SYNE2: variants seen among roughly 807,000 people sequenced by gnomAD.
The protein encoded by SYNE2 is nesprin-2.
Under a neutral mutation model 856.3 loss-of-function variants are expected in SYNE2, and 431 were observed. The observed-to-expected ratio is 0.50, with a 90% CI of 0.47 to 0.55. SYNE2 has a LOEUF of 0.55. Ranked by LOEUF, SYNE2 falls within the 20% of genes least tolerant of loss-of-function variation. SYNE2 has a pLI of 0.00. For missense variants in SYNE2, 8,129 were observed against 8,023.2 expected (o/e 1.01, Z -0.50); for synonymous variants, 2,923 against 2,872.3 (o/e 1.02, Z -0.56).
At chr14:63,949,055 T>A (rs1442128156) in intron 6 of SYNE2, among the ~76,000 whole-genome samples, 1 of 151,876 alleles carries the variant, frequency 6.6e-6, no homozygotes, top group Admixed American at 6.6e-5. Flanking sequence ...GTTAATTGTG[T>A]TGTTGACATC....
intron 11 of SYNE2, among the ~76,000 whole-genome samples, chr14:63,968,338 A>AT (rs532767210): frequency 4.6e-5 from 7 of 151,974 alleles, no homozygotes; most frequent in Non-Finnish European, 8.8e-5. Flanking sequence ...TTAAGTAGGG[A>AT]TTTTTTGCAT....
At chr14:64,174,333 A>C (rs753434615) in intron 94 of SYNE2, among the ~76,000 whole-genome samples, 3 of 152,136 alleles carry the variant, frequency 2.0e-5, no homozygotes, top group Non-Finnish European at 4.4e-5. Context: ...TGGCCTCCCA[A>C]AGTGCTGGGA....
rs1363988395 is a variant in SYNE2, at chr14:64,209,515, A to G, written c.18477A>G (p.Ala6159=). ...EDWLKSAERT[A]ACPNSSEVLY... ...GGCTCAAGTCAGCTGAGAGGACGGC[A>G]GCCTGCCCAAATTCCTCAGAGGTGT... The change falls in exon 102 of 116, where the codon GCA becomes GCG. Residue 6159 remains alanine, a synonymous_variant. Coordinates refer to ENST00000555002, the MANE Select transcript of SYNE2 (RefSeq NM_182914.3). The G allele has an allele frequency of 6.2e-7, 1 of 1,614,232 alleles. No individual in the cohort carries two copies. Among genetic ancestry groups the G allele is most frequent in the Non-Finnish European group, 8.5e-7 (1 of 1,180,040 alleles).
chr14:63,815,107 C>CCATATATATCCACAT (rs1888877521), intron 1 of SYNE2, among the ~76,000 whole-genome samples: 2 of 108,666 alleles, frequency 1.8e-5, no homozygotes, highest in South Asian at 2.7e-4. Context: ...TATATCCACA[C>CCATATATATCCACAT]ATATATCCAT....
At chr14:64,174,004 G>A (rs535471793) in intron 94 of SYNE2, 8 of 648,146 alleles carry the variant, frequency 1.2e-5, no homozygotes, top group South Asian at 5.1e-5. Flanking sequence ...GAGCAGTCAC[G>A]GAGCTGTAAC....
rs548466257 is a variant in SYNE2, at chr14:63,986,448, T to C, written c.2152-8T>C. The C allele has an allele frequency of 6.2e-7, 1 of 1,613,960 alleles. No individual in the cohort carries two copies. The highest frequency in any genetic ancestry group is 2.2e-5 in the East Asian group (1 of 44,840). On this transcript the variant is annotated splice_region_variant and splice_polypyrimidine_tract_variant and intron_variant, in intron 18 of 115. Transcript: ENST00000555002. ...ACATTTTCTCAGTGGTACTTTTGAA[T>C]GTTGTAGGCTGGAGAGAAACATGAA...
At chr14:63,916,447 G>A (rs2153368066) in intron 2 of SYNE2, among the ~76,000 whole-genome samples, 1 of 152,174 alleles carries the variant, frequency 6.6e-6, no homozygotes, top group East Asian at 1.9e-4. Flanking sequence ...GTTCCTCGAA[G>A]TATGTTGTAG....
At position 63,995,031 on chromosome 14, in the gene SYNE2, AT is replaced by A. The variant is rs750650701; in HGVS notation, c.2782-5del. 2.5e-5 allele frequency: 37 copies of A among 1,482,024 alleles called. No homozygotes were observed. Among genetic ancestry groups the A allele is most frequent in the Non-Finnish European group, 2.9e-5 (31 of 1,079,478 alleles). The allele number at this position is 1,482,024 out of a possible 1,614,324, so 91.8% of individuals were successfully genotyped here. On this transcript the variant is annotated splice_polypyrimidine_tract_variant and intron_variant, in intron 22 of 115. Transcript: ENST00000555002. ...TTCTCATGGTTAATATATTCCTTTG[AT>A]TTTTTTTGTAGTCTCTTCATCATGA...
intron 2 of SYNE2, among the ~76,000 whole-genome samples, chr14:63,930,409 C>A (rs978938804): frequency 6.6e-6 from 1 of 151,762 alleles, no homozygotes; most frequent in Non-Finnish European, 1.5e-5. Context: ...AAAAAAAATT[C>A]TCCAAAGTGT....
At position 64,162,121 on chromosome 14, in the gene SYNE2, A is replaced by C; in HGVS notation, c.16144A>C (p.Ser5382Arg). Residue 5382 changes from serine to arginine, a missense_variant, in exon 88 of 116, where the codon AGT becomes CGT. This residue lies in a region of SYNE2 where 5,410 missense variants were observed against 5,284.8 expected (regional missense o/e 1.02). Transcript: ENST00000555002. The stretch of plus-strand genomic sequence containing the variant: ...TGCAGACCAGTTGCAGAAGGCCCAG[A>C]GTCTGCTCCAGCTCTGGAAGGCCTA... Reference protein sequence around the residue: ...AIADQLQKAQSLLQLWKAYSN... With the variant: ...AIADQLQKAQRLLQLWKAYSN... 3.7e-6 allele frequency: 6 copies of C among 1,614,216 alleles called. No homozygotes were observed. Among genetic ancestry groups the C allele is most frequent in the Non-Finnish European group, 5.1e-6 (6 of 1,180,036 alleles).
At chr14:63,789,412 G>GT (rs1305243759) in intron 1 of SYNE2, among the ~76,000 whole-genome samples, 2 of 152,102 alleles carry the variant, frequency 1.3e-5, no homozygotes, top group Non-Finnish European at 2.9e-5. Context: ...AAGGAATTTT[G>GT]TTTCATTTTG....
intron 87 of SYNE2, among the ~76,000 whole-genome samples, chr14:64,161,250 G>T (rs1034661374): frequency 4.0e-5 from 6 of 151,874 alleles, no homozygotes; most frequent in African/African-American, 1.5e-4. Flanking sequence ...GGGCTGAGAT[G>T]GGAGGATCAC....
chr14:63,814,720 C>G (rs1202098799), intron 1 of SYNE2, among the ~76,000 whole-genome samples: 1 of 105,628 alleles, frequency 9.5e-6, no homozygotes, highest in Non-Finnish European at 2.0e-5. Flanking sequence ...CCATATATAT[C>G]CATATATATA....
chr14:64,020,345 A>C (rs1189173893), intron 35 of SYNE2, among the ~76,000 whole-genome samples: 1 of 152,226 alleles, frequency 6.6e-6, no homozygotes, highest in Admixed American at 6.5e-5. Flanking sequence ...GTTTTAAGAA[A>C]ATTTAGGAAT....
At chr14:63,842,066 C>T (rs555179569) in intron 1 of SYNE2, among the ~76,000 whole-genome samples, 6 of 151,994 alleles carry the variant, frequency 3.9e-5, no homozygotes, top group African/African-American at 1.4e-4. Flanking sequence ...AATCTCCTGA[C>T]CTCATGATCC....
intron 54 of SYNE2, among the ~76,000 whole-genome samples, chr14:64,076,835 A>C (rs1483646470): frequency 6.6e-6 from 1 of 151,866 alleles, no homozygotes; most frequent in East Asian, 1.9e-4. Context: ...TAGTTGCTAG[A>C]ATATGTCATT....
chr14:63,826,425 G>A (rs896112704), intron 1 of SYNE2, among the ~76,000 whole-genome samples: 2 of 152,116 alleles, frequency 1.3e-5, no homozygotes, highest in Non-Finnish European at 2.9e-5. Context: ...TCAGCTTCCC[G>A]AGTAGCTGGG....
upstream of SYNE2, among the ~76,000 whole-genome samples, chr14:63,850,558 T>C (rs1420233306): frequency 7.1e-6 from 1 of 141,836 alleles, no homozygotes; most frequent in Non-Finnish European, 1.6e-5. Context: ...TGTCTCAGTT[T>C]GGCTTAACAT....
intron 107 of SYNE2, chr14:64,215,977 T>C (rs866039243): frequency 7.2e-7 from 1 of 1,390,434 alleles, no homozygotes; most frequent in Middle Eastern, 2.7e-4. Context: ...TCAGTGTCCC[T>C]ACCACTCGAG....
Sources: gnomAD v4.1 joint callset for allele counts (sites outside exome capture counted in the v4.1 genomes callset) on GRCh38, gnomAD v4.1.1 for gene constraint, gnomAD v4.1.1 regional missense constraint, MANE v1.5 for transcripts, NCBI Gene and HGNC (gene_info 2026-07-23, HGNC 2026-07-21) for gene names.